Variants in SPRY3 observed in about 807,000 individuals in gnomAD.
The protein encoded by SPRY3 is protein sprouty homolog 3.
Under a neutral mutation model 20.2 loss-of-function variants are expected in SPRY3, and 15 were observed. That is an observed-to-expected ratio of 0.74 (90% confidence interval 0.50 to 1.14). SPRY3 has a LOEUF of 1.14. SPRY3 is among the 50% of genes most tolerant of loss of function. The probability of loss-of-function intolerance (pLI) is 0.00; values close to 1 mark genes in which losing one functional copy is unlikely to be tolerated. For missense variants in SPRY3, 364 were observed against 363.9 expected, an observed-to-expected ratio of 1.00 and a Z score of 0.00; for synonymous variants, 143 against 136.5, an observed-to-expected ratio of 1.05 and a Z score of -0.33.
intron 2 of SPRY3, among the ~76,000 whole-genome samples, chrX:155,688,335 G>A (rs2068093837): frequency 9.1e-6 from 1 of 110,402 alleles, no homozygotes; most frequent in Non-Finnish European, 1.9e-5. Context: ...GAATAGTGCT[G>A]CAATGAACAT....
intron 2 of SPRY3, among the ~76,000 whole-genome samples, chrX:155,726,218 T>G (rs1371854822): frequency 6.6e-6 from 1 of 152,186 alleles, no homozygotes; most frequent in Non-Finnish European, 1.5e-5. Flanking sequence ...TTTCATTTGC[T>G]GAGGAGTGCT....
At chrX:155,673,741 G>A (rs2068051268) in intron 2 of SPRY3, among the ~76,000 whole-genome samples, 1 of 111,969 alleles carries the variant, frequency 8.9e-6, no homozygotes, top group African/African-American at 3.2e-5. Context: ...CCCTGGAATT[G>A]GAAAGGCTAA....
At chrX:155,738,965 C>T (rs922947015) in intron 2 of SPRY3, among the ~76,000 whole-genome samples, 2 of 152,198 alleles carry the variant, frequency 1.3e-5, no homozygotes, top group Admixed American at 6.5e-5. Flanking sequence ...AGTCACAACC[C>T]ACTGGGTTAG....
intron 2 of SPRY3, among the ~76,000 whole-genome samples, chrX:155,730,372 A>G (rs1049453668): frequency 1.3e-5 from 2 of 152,116 alleles, no homozygotes; most frequent in African/African-American, 4.8e-5. Context: ...GGATGCAATG[A>G]TGGTTCAACA....
chrX:155,730,562 A>G (rs1225376804), intron 2 of SPRY3, among the ~76,000 whole-genome samples: 2 of 152,134 alleles, frequency 1.3e-5, no homozygotes, highest in East Asian at 3.9e-4. Context: ...GCCATATATG[A>G]CAGACCCACA....
intron 1 of SPRY3, among the ~76,000 whole-genome samples, chrX:155,634,883 T>C (rs2067918203): frequency 9.3e-6 from 1 of 107,420 alleles, no homozygotes; most frequent in African/African-American, 3.4e-5. Flanking sequence ...ATATATAATA[T>C]ATATAGTATA....
intron 2 of SPRY3, among the ~76,000 whole-genome samples, chrX:155,724,608 C>T (rs2091085053): frequency 1.3e-5 from 2 of 152,080 alleles, no homozygotes; most frequent in African/African-American, 4.8e-5. Context: ...CTCTGTTTGT[C>T]TGTTATTGGT....
At chrX:155,639,692 T>C (rs941534807) in intron 1 of SPRY3, among the ~76,000 whole-genome samples, 1 of 112,445 alleles carries the variant, frequency 8.9e-6, no homozygotes, top group Non-Finnish European at 1.9e-5. Context: ...AGATATCTTT[T>C]CAAGATCCTT....
chrX:155,679,402 C>G (rs1377093654), intron 2 of SPRY3, among the ~76,000 whole-genome samples: 1 of 102,318 alleles, frequency 9.8e-6, no homozygotes, highest in Non-Finnish European at 2.0e-5. Flanking sequence ...AGCCTGCTCT[C>G]TGCTTCAAAG....
chrX:155,629,963 G>T (rs1259778088), intron 1 of SPRY3, among the ~76,000 whole-genome samples: 1 of 111,641 alleles, frequency 9.0e-6, no homozygotes, highest in Admixed American at 9.6e-5. Context: ...CCACTGTGTA[G>T]CTTTTCCCAT....
intron 2 of SPRY3, among the ~76,000 whole-genome samples, chrX:155,680,191 T>TGTGTGTGTGTGTG (rs2068070083): frequency 2.2e-4 from 18 of 83,620 alleles, no homozygotes; most frequent in South Asian, 1.1e-3. Flanking sequence ...TGTGTGTGTG[T>TGTGTGTGTGTGTG]TTGAGGGAGA....
intron 2 of SPRY3, among the ~76,000 whole-genome samples, chrX:155,713,900 C>T (rs2091003795): frequency 1.3e-5 from 2 of 151,780 alleles, no homozygotes; most frequent in South Asian, 4.2e-4. Flanking sequence ...TTTATTTTGT[C>T]TCCTCTGACT....
intron 2 of SPRY3, among the ~76,000 whole-genome samples, chrX:155,767,044 C>T (rs1006326022): frequency 2.0e-5 from 3 of 152,046 alleles, no homozygotes; most frequent in East Asian, 3.9e-4. Flanking sequence ...ATGAGACCTC[C>T]TTAAAATTGT....
At chrX:155,720,993 C>T (rs2091053881) in intron 2 of SPRY3, among the ~76,000 whole-genome samples, 1 of 152,116 alleles carries the variant, frequency 6.6e-6, no homozygotes, top group African/African-American at 2.4e-5. Flanking sequence ...ACTTTTCAGA[C>T]AGATAATTCA....
At chrX:155,688,673 T>C (rs751238972) in intron 2 of SPRY3, among the ~76,000 whole-genome samples, 1 of 110,823 alleles carries the variant, frequency 9.0e-6, no homozygotes, top group South Asian at 3.9e-4. Context: ...GTCAGACGCA[T>C]GTATGTCTTT....
chrX:155,721,538 G>A (rs2091057874), intron 2 of SPRY3, among the ~76,000 whole-genome samples: 1 of 151,988 alleles, frequency 6.6e-6, no homozygotes, highest in Middle Eastern at 3.2e-3. Context: ...GATAAAGAAA[G>A]GATCCTAAAA....
At chrX:155,643,497 A>G (rs1327913656) in intron 1 of SPRY3, among the ~76,000 whole-genome samples, 2 of 110,989 alleles carry the variant, frequency 1.8e-5, no homozygotes, top group Non-Finnish European at 3.8e-5. Flanking sequence ...CTACTGCCAT[A>G]TTGTTATTTG....
chrX:155,780,034 T>C (rs748074081), downstream of SPRY3: 6 of 167,098 alleles, frequency 3.6e-5, no homozygotes, highest in South Asian at 4.1e-4. Context: ...ATGGACAAGA[T>C]AAGGAAAGGC....
intron 2 of SPRY3, among the ~76,000 whole-genome samples, chrX:155,758,465 C>T (rs1374700854): frequency 6.6e-6 from 1 of 152,168 alleles, no homozygotes; most frequent in African/African-American, 2.4e-5. Flanking sequence ...TCTCCATCCC[C>T]ATAGGCTTTT....
Sources: gnomAD v4.1 joint callset for allele counts (sites outside exome capture counted in the v4.1 genomes callset) on GRCh38, gnomAD v4.1.1 for gene constraint, MANE v1.5 for transcripts, NCBI Gene and HGNC (gene_info 2026-07-23, HGNC 2026-07-21) for gene names.